Variants in CSMD2 observed in about 807,000 individuals in gnomAD.
The protein encoded by CSMD2 is CUB and Sushi multiple domains 2, also known as CUB and sushi domain-containing protein 2.
A neutral mutation model predicts 398.5 loss-of-function variants in CSMD2; 130 were observed. That is an observed-to-expected ratio of 0.33 (90% CI 0.28 to 0.38). The LOEUF is 0.38. Among genes scored for constraint, CSMD2 ranks in the 10% least tolerant of loss-of-function variants. The pLI is 1.00. For missense variants in CSMD2, 3,829 were observed against 4,764.9 expected (o/e 0.80, Z 5.78); for synonymous variants, 1,828 against 1,908.5 (o/e 0.96, Z 1.10).
At chr1:33,930,680 C>T (rs1286549894) in intron 4 of CSMD2, among the ~76,000 whole-genome samples, 1 of 152,240 alleles carries the variant, frequency 6.6e-6, no homozygotes, top group Non-Finnish European at 1.5e-5. Flanking sequence ...CTGAAATCCA[C>T]ATGATCTTCC....
At chr1:33,787,017 G>A (rs1331661974) in intron 12 of CSMD2, among the ~76,000 whole-genome samples, 3 of 152,198 alleles carry the variant, frequency 2.0e-5, no homozygotes, top group South Asian at 2.1e-4. Context: ...CTGGAGTAGG[G>A]AGGGCCCTTA....
chr1:33,578,638 T>C (rs1251456727), intron 48 of CSMD2, among the ~76,000 whole-genome samples: 1 of 152,048 alleles, frequency 6.6e-6, no homozygotes, highest in African/African-American at 2.4e-5. Context: ...ACTCACATTA[T>C]AAAGCCTGCC....
At position 33,724,592 on chromosome 1, in the gene CSMD2, G is replaced by A; in HGVS notation, c.2808C>T (p.Gly936=). 1.2e-6 allele frequency: 2 copies of A among 1,614,212 alleles called. No individual in the cohort carries two copies. Among genetic ancestry groups the A allele is most frequent in the South Asian group, 1.1e-5 (1 of 91,076 alleles). Residue 936 remains glycine, a synonymous_variant, in exon 18 of 71, where the codon GGC becomes GGT. Transcript: ENST00000373381. Reference sequence around the variant, plus strand: ...GAGGCTCCCCGTCACTTAATGTGTAGCCCGAGTCACAGCTGAAGGTCACCA... The same window carrying A: ...GAGGCTCCCCGTCACTTAATGTGTAACCCGAGTCACAGCTGAAGGTCACCA... ...GALVTFSCDS[G]YTLSDGEPLE... is the part of the protein sequence containing the mutation.
chr1:33,572,530 G>A lies in CSMD2; in HGVS notation c.7738C>T (p.Arg2580Cys), dbSNP rs778412668. The change falls in exon 50 of 71, where the codon CGC (arginine) becomes TGC (cysteine). Residue 2580 changes from arginine (R) to cysteine (C), a missense_variant. Arg to Cys is a radical substitution (Grantham distance 180). Transcript: ENST00000373381. ...CGGACACACTGTGGTGGGACATTGCGGTTGCTCCATAGGCCTGTGTCCAGA... is the reference window on the plus strand; with the variant it reads ...CGGACACACTGTGGTGGGACATTGCAGTTGCTCCATAGGCCTGTGTCCAGA... The part of the protein sequence containing the change: ...ECLDTGLWSN[R>C]NVPPQCVPVT... 2.2e-5 allele frequency: 35 copies of A among 1,609,694 alleles called. No individual in the cohort carries two copies. Among genetic ancestry groups the A allele is most frequent in the Admixed American group, 5.0e-5 (3 of 59,818 alleles).
At chr1:33,970,580 A>T (rs921480021) in intron 3 of CSMD2, among the ~76,000 whole-genome samples, 1 of 152,114 alleles carries the variant, frequency 6.6e-6, no homozygotes, top group Admixed American at 6.5e-5. Context: ...TCAGATGCCC[A>T]CTCAACAGGG....
At chr1:34,110,333 C>T (rs748430814) in intron 1 of CSMD2, among the ~76,000 whole-genome samples, 1 of 152,114 alleles carries the variant, frequency 6.6e-6, no homozygotes, top group Non-Finnish European at 1.5e-5. Context: ...ACCCAGCAAT[C>T]CCATTACTGG....
intron 13 of CSMD2, among the ~76,000 whole-genome samples, chr1:33,752,897 G>C (rs1648455537): frequency 6.6e-6 from 1 of 152,164 alleles, no homozygotes; most frequent in South Asian, 2.1e-4. Context: ...CCATATCCTA[G>C]GGCTTTTTGC....
intron 19 of CSMD2, among the ~76,000 whole-genome samples, chr1:33,718,724 A>T (rs1646256466): frequency 6.6e-6 from 1 of 152,244 alleles, no homozygotes; most frequent in Admixed American, 6.5e-5. Flanking sequence ...CAATTTGAGA[A>T]GTACTTCTCT....
intron 24 of CSMD2, among the ~76,000 whole-genome samples, chr1:33,694,571 C>T (rs1482798666): frequency 6.6e-6 from 1 of 152,158 alleles, no homozygotes; most frequent in Non-Finnish European, 1.5e-5. Context: ...ACTTTTCTCT[C>T]TCCTGCTGCC....
rs111770374 is a variant in CSMD2, at chr1:33,549,299, A to G, written c.8917+878T>C. Reference sequence around the variant, plus strand: ...TGGGAAGGGTTACGGGTTAATTTCAATGCCAAGGTGGGCCCTCCGAGGAAC... The same window carrying G: ...TGGGAAGGGTTACGGGTTAATTTCAGTGCCAAGGTGGGCCCTCCGAGGAAC... On this transcript the variant is annotated intron_variant, in intron 56 of 70. Transcript: ENST00000373381. Among the ~76,000 whole-genome samples, 376 of 152,212 alleles carry G rather than the reference A, an allele frequency of 2.5e-3. 5 individuals are homozygous for G. Among genetic ancestry groups the G allele is most frequent in the African/African-American group, 8.4e-3 (349 of 41,534 alleles).
At chr1:33,771,061 C>T (rs1163113787) in intron 13 of CSMD2, among the ~76,000 whole-genome samples, 5 of 152,206 alleles carry the variant, frequency 3.3e-5, no homozygotes, top group Non-Finnish European at 4.4e-5. Context: ...TCCTAAGAGG[C>T]TGGCTGGTTT....
intron 25 of CSMD2, among the ~76,000 whole-genome samples, chr1:33,682,243 G>A (rs1644931044): frequency 6.6e-6 from 1 of 152,140 alleles, no homozygotes; most frequent in South Asian, 2.1e-4. Flanking sequence ...TTCTTACAAA[G>A]TTGCATGTGG....
chr1:33,705,687 T>C (rs183537711), intron 22 of CSMD2, among the ~76,000 whole-genome samples: 43 of 152,100 alleles, frequency 2.8e-4, no homozygotes, highest in Admixed American at 2.3e-3. Context: ...TCTATAAAAA[T>C]TTCCATTTCA....
intron 13 of CSMD2, among the ~76,000 whole-genome samples, chr1:33,771,644 C>T (rs1010422736): frequency 3.3e-5 from 5 of 152,094 alleles, no homozygotes; most frequent in African/African-American, 1.2e-4. Context: ...CCCTGACAGT[C>T]TCCCAGGCTA....
chr1:33,608,077 G>T (rs1202186827), intron 41 of CSMD2, among the ~76,000 whole-genome samples: 2 of 152,152 alleles, frequency 1.3e-5, no homozygotes, highest in African/African-American at 4.8e-5. Flanking sequence ...ACCTCAGGGG[G>T]ACAGCGGGGC....
chr1:33,569,756 C>T (rs1659410295), intron 51 of CSMD2, among the ~76,000 whole-genome samples: 1 of 152,166 alleles, frequency 6.6e-6, no homozygotes, highest in Admixed American at 6.5e-5. Flanking sequence ...ATTTAAAATG[C>T]CCGGCTCCAC....
intron 28 of CSMD2, among the ~76,000 whole-genome samples, chr1:33,650,958 T>A (rs527632974): frequency 2.0e-5 from 3 of 152,236 alleles, no homozygotes; most frequent in Non-Finnish European, 4.4e-5. Flanking sequence ...GTCTGTCTTC[T>A]TTCACTCAGC....
chr1:34,062,592 C>T (rs974824066), intron 2 of CSMD2, among the ~76,000 whole-genome samples: 3 of 152,148 alleles, frequency 2.0e-5, no homozygotes, highest in Admixed American at 2.0e-4. Flanking sequence ...AGCAAGAGAT[C>T]CCAAGGTGAG....
In CSMD2 at chr1:33,611,172, G is replaced by A. The variant is rs201628546; in HGVS notation, c.6212C>T (p.Thr2071Ile). 4.8e-5 allele frequency: 77 copies of A among 1,614,008 alleles called. No individual in the cohort carries two copies. Among genetic ancestry groups the A allele is most frequent in the Middle Eastern group, 1.6e-4 (1 of 6,084 alleles). ...ACTGAATCTTCCCATCATGCGGCTG[G>A]TCTCATAGGGGCCATTCCGGATTTC... ...YIEIRNGPYE[T>I]SRMMGRFSGS... Residue 2071 changes from threonine to isoleucine, a missense_variant, in exon 41 of 71, where the codon ACC becomes ATC. Around this residue, in one of 5 missense-constraint regions of CSMD2, gnomAD observed 2,001 missense variants for 2,567.1 expected, o/e 0.78. Transcript: ENST00000373381.
Sources: allele counts gnomAD v4.1 joint callset (sites outside exome capture counted in the v4.1 genomes callset), GRCh38; gene constraint gnomAD v4.1.1; regional missense constraint gnomAD v4.1.1; transcripts MANE v1.5; gene names NCBI Gene and HGNC (gene_info 2026-07-23, HGNC 2026-07-21).